EXOC6: variants seen among roughly 807,000 people sequenced by gnomAD.
The protein encoded by EXOC6 is exocyst complex component 6.
EXOC6 carries 60 observed loss-of-function variants against 112.5 expected under a neutral mutation model. The ratio of observed to expected loss-of-function variants is 0.53; its 90% CI spans 0.43 to 0.66. EXOC6 has a LOEUF of 0.66. EXOC6 is among the 30% of genes least tolerant of loss of function. The probability of loss-of-function intolerance (pLI) is 0.00; values close to 1 mark genes in which losing one functional copy is unlikely to be tolerated. For missense variants in EXOC6, 855 were observed against 957.1 expected (o/e 0.89, Z 1.41); for synonymous variants, 295 against 308.0 (o/e 0.96, Z 0.44).
intron 6 of EXOC6, among the ~76,000 whole-genome samples, chr10:92,914,439 A>G (rs1850969973): frequency 6.6e-6 from 1 of 152,226 alleles, no homozygotes; most frequent in African/African-American, 2.4e-5. Context: ...ACAATATGTA[A>G]TATTTATATA....
chr10:92,928,540 A>G (rs765930176), intron 9 of EXOC6, 118 bp downstream of exon 9: 3 of 604,804 alleles, frequency 5.0e-6, no homozygotes, highest in South Asian at 4.9e-5. Flanking sequence ...TTGAACACCT[A>G]CCATTTCCAA....
At chr10:93,042,130 A>G (rs1845807848) in intron 20 of EXOC6, among the ~76,000 whole-genome samples, 1 of 152,130 alleles carries the variant, frequency 6.6e-6, no homozygotes, top group Non-Finnish European at 1.5e-5. Context: ...CCCCTTACTC[A>G]TATTTCAGTT....
intron 20 of EXOC6, among the ~76,000 whole-genome samples, chr10:93,025,998 C>A (rs1192136177): frequency 3.3e-5 from 5 of 152,200 alleles, no homozygotes; most frequent in Non-Finnish European, 5.9e-5. Context: ...CCAAATCATG[C>A]AGGATAACTT....
intron 1 of EXOC6, among the ~76,000 whole-genome samples, chr10:92,853,878 T>G (rs1208034983): frequency 6.6e-6 from 1 of 151,960 alleles, no homozygotes; most frequent in Non-Finnish European, 1.5e-5. Context: ...AGAAAAAAAT[T>G]GATAAATTGG....
chr10:92,929,368 A>G (rs1851896399), intron 9 of EXOC6, among the ~76,000 whole-genome samples: 1 of 152,244 alleles, frequency 6.6e-6, no homozygotes, highest in Non-Finnish European at 1.5e-5. Context: ...TCTCAAGCTC[A>G]ACATTTCAAG....
At chr10:92,924,481 C>G (rs1458927562) in intron 8 of EXOC6, among the ~76,000 whole-genome samples, 1 of 152,100 alleles carries the variant, frequency 6.6e-6, no homozygotes, top group Non-Finnish European at 1.5e-5. Flanking sequence ...GTTTAGCTGT[C>G]ATAAGTCTAA....
intron 1 of EXOC6, 104 bp downstream of exon 1, chr10:92,848,738 A>T: frequency 4.2e-6 from 4 of 946,292 alleles, no homozygotes; most frequent in Non-Finnish European, 5.3e-6. Context: ...AAGCTCCCCG[A>T]CAGGTGGTGC....
chr10:92,944,167 A>T (rs530602822), intron 13 of EXOC6, among the ~76,000 whole-genome samples: 1 of 151,928 alleles, frequency 6.6e-6, no homozygotes, highest in African/African-American at 2.4e-5. Flanking sequence ...TATTTTGGCT[A>T]TTGTGAATAA....
chr10:92,848,909 G>A (rs1386996593), intron 1 of EXOC6, among the ~76,000 whole-genome samples: 1 of 152,064 alleles, frequency 6.6e-6, no homozygotes, highest in Non-Finnish European at 1.5e-5. Context: ...CTAACCCCGG[G>A]CCCCGCGCTG....
At chr10:93,018,400 A>G (rs181237184) in intron 20 of EXOC6, among the ~76,000 whole-genome samples, 1 of 152,220 alleles carries the variant, frequency 6.6e-6, no homozygotes, top group Admixed American at 6.5e-5. Flanking sequence ...AAAACATTAG[A>G]ATATACAAAA....
At chr10:92,924,195 G>A (rs991633126) in intron 8 of EXOC6, among the ~76,000 whole-genome samples, 1 of 152,152 alleles carries the variant, frequency 6.6e-6, no homozygotes, top group African/African-American at 2.4e-5. Flanking sequence ...TGAGAGTAGA[G>A]CAAAGAGAAC....
intron 14 of EXOC6, 59 bp downstream of exon 14, chr10:92,948,438 C>T: frequency 4.0e-6 from 4 of 991,602 alleles, no homozygotes; most frequent in Non-Finnish European, 4.4e-6. Flanking sequence ...GTATTTGTTA[C>T]TACATAATAT....
intron 18 of EXOC6, among the ~76,000 whole-genome samples, chr10:92,988,708 C>T (rs1843107413): frequency 6.6e-6 from 1 of 151,802 alleles, no homozygotes; most frequent in African/African-American, 2.4e-5. Flanking sequence ...GCCTGTAATC[C>T]CAACATATTG....
chr10:93,009,006 G>A (rs1031379418), intron 19 of EXOC6, among the ~76,000 whole-genome samples: 1 of 152,126 alleles, frequency 6.6e-6, no homozygotes, highest in African/African-American at 2.4e-5. Flanking sequence ...GACTGCTTGA[G>A]GCCAGGAGTT....
At chr10:92,873,032 C>T (rs1477277177) in intron 1 of EXOC6, among the ~76,000 whole-genome samples, 1 of 152,154 alleles carries the variant, frequency 6.6e-6, no homozygotes, top group African/African-American at 2.4e-5. Context: ...ATTCATTAAT[C>T]TACTTGTTTA....
chr10:93,026,273 G>T (rs1845019933), intron 20 of EXOC6, among the ~76,000 whole-genome samples: 1 of 152,186 alleles, frequency 6.6e-6, no homozygotes, highest in African/African-American at 2.4e-5. Context: ...TGGAATTGCT[G>T]AGTCAGGGAG....
chr10:92,953,274 G>T (rs1294351366), intron 15 of EXOC6, among the ~76,000 whole-genome samples: 1 of 151,948 alleles, frequency 6.6e-6, no homozygotes, highest in Non-Finnish European at 1.5e-5. Context: ...AGATGAGGTT[G>T]TGCCATGTTG....
rs1853456289 is a variant in EXOC6, at chr10:92,952,188, A to G, written c.1417-85A>G. On this transcript the variant is annotated intron_variant, in intron 14 of 21. Transcript: ENST00000260762. ...TGCAGGTATTTGCTATTCAAGTGTG[A>G]AATCAATTTAATTTTACATTTTTTA... The G allele has an allele frequency of 1.0e-5, 8 of 778,764 alleles. No individual in the cohort carries two copies. The Admixed American group carries it at 1.2e-4, about 12-fold the overall frequency. 48.2% of individuals were successfully genotyped at this position (778,764 alleles called of 1,614,324 possible).
chr10:92,850,480 C>G (rs1847270650), intron 1 of EXOC6, among the ~76,000 whole-genome samples: 1 of 152,172 alleles, frequency 6.6e-6, no homozygotes, highest in Non-Finnish European at 1.5e-5. Flanking sequence ...AGTCTTTTCT[C>G]TTGAACATTG....
Sources: allele counts gnomAD v4.1 joint callset (sites outside exome capture counted in the v4.1 genomes callset), GRCh38; gene constraint gnomAD v4.1.1; transcripts MANE v1.5; gene names NCBI Gene and HGNC (gene_info 2026-07-23, HGNC 2026-07-21).